The following DGKB variants were observed in gnomAD, a reference collection of about 807,000 sequenced individuals.
DGKB encodes the protein diacylglycerol kinase beta, also known as 90 kDa diacylglycerol kinase.
In DGKB, 67 loss-of-function variants were observed where a neutral mutation model predicts 114.3. That is an observed-to-expected ratio of 0.59 (90% CI 0.48 to 0.72). The LOEUF is 0.72. DGKB is among the 30% of genes least tolerant of loss of function. The pLI is 0.00. For synonymous variants in DGKB, 398 were observed against 323.1 expected, an observed-to-expected ratio of 1.23 and a Z score of -2.49; for missense variants, 907 against 975.2, an observed-to-expected ratio of 0.93 and a Z score of 0.93.
chr7:14,527,622 A>C, intron 20 of DGKB, among the ~76,000 whole-genome samples: 1 of 152,064 alleles, frequency 6.6e-6, no homozygotes, highest in Admixed American at 6.6e-5. Flanking sequence ...GTTCAAAAGA[A>C]GTGTAGGATA....
chr7:14,437,909 A>G (rs1829517297), intron 21 of DGKB, among the ~76,000 whole-genome samples: 1 of 151,708 alleles, frequency 6.6e-6, no homozygotes, highest in Non-Finnish European at 1.5e-5. Flanking sequence ...AAGAAATAGA[A>G]GCTCAGAGTT....
intron 23 of DGKB, among the ~76,000 whole-genome samples, chr7:14,262,336 T>A (rs1159415709): frequency 6.6e-6 from 1 of 152,158 alleles, no homozygotes; most frequent in Non-Finnish European, 1.5e-5. Context: ...GGTAATTAGG[T>A]CATGAGGGTA....
intron 23 of DGKB, among the ~76,000 whole-genome samples, chr7:14,196,413 A>T (rs1017783360): frequency 6.6e-6 from 1 of 152,094 alleles, no homozygotes. Context: ...AAGTTAGTAC[A>T]GTTTAGTATA....
At chr7:14,481,949 C>A (rs530701500) in intron 20 of DGKB, among the ~76,000 whole-genome samples, 78 of 152,038 alleles carry the variant, frequency 5.1e-4, no homozygotes, top group African/African-American at 1.7e-3. Flanking sequence ...TACACAATAA[C>A]AACAATCTTT....
chr7:14,386,247 CATG>C (rs1820319803), intron 21 of DGKB, among the ~76,000 whole-genome samples: 1 of 152,198 alleles, frequency 6.6e-6, no homozygotes, highest in Non-Finnish European at 1.5e-5. Flanking sequence ...AGTTCAGCTC[CATG>C]ATAACAGCTG....
In DGKB at chr7:14,942,873, T is replaced by A. The variant is rs75539773; in HGVS notation, c.-188+31823A>T. 7.2e-5 allele frequency among the ~76,000 whole-genome samples: 11 copies of A among 152,162 alleles called. No individual in the cohort carries two copies. The East Asian group carries it at 2.1e-3, about 29-fold the overall frequency. On this transcript the variant is annotated intron_variant, in intron 1 of 4. Transcript: ENST00000437998. The stretch of plus-strand genomic sequence containing the variant: ...ATCTTCATATCATGAATTATTTTAT[T>A]TTCATAGCACTTACTTAATTTGTCT...
At chr7:14,662,475 G>T (rs948098947) in intron 13 of DGKB, among the ~76,000 whole-genome samples, 2 of 151,898 alleles carry the variant, frequency 1.3e-5, no homozygotes, top group African/African-American at 4.8e-5. Flanking sequence ...TGGGGAAAAT[G>T]ATCCTTTGCA....
intron 23 of DGKB, among the ~76,000 whole-genome samples, chr7:14,192,506 G>T (rs184272466): frequency 2.6e-5 from 4 of 152,164 alleles, no homozygotes; most frequent in East Asian, 3.9e-4. Flanking sequence ...TGAATTGGAA[G>T]AATTTTTTTT....
At chr7:14,822,440 G>C (rs1436747206) in intron 2 of DGKB, among the ~76,000 whole-genome samples, 1 of 152,126 alleles carries the variant, frequency 6.6e-6, no homozygotes, top group Non-Finnish European at 1.5e-5. Context: ...GGATCTAGAA[G>C]CGAGACAGTT....
At chr7:14,505,008 G>A (rs1325913623) in intron 20 of DGKB, among the ~76,000 whole-genome samples, 1 of 152,178 alleles carries the variant, frequency 6.6e-6, no homozygotes. Context: ...CAGAAGTGAA[G>A]AATAAGCCTT....
intron 1 of DGKB, among the ~76,000 whole-genome samples, chr7:14,865,686 G>C (rs1851603572): frequency 6.6e-6 from 1 of 152,140 alleles, no homozygotes; most frequent in South Asian, 2.1e-4. Flanking sequence ...GTGAGAATGA[G>C]TAAATGCCAG....
At chr7:14,495,853 G>A (rs544686037) in intron 20 of DGKB, among the ~76,000 whole-genome samples, 3 of 151,756 alleles carry the variant, frequency 2.0e-5, no homozygotes, top group African/African-American at 7.2e-5. Flanking sequence ...TGTGAGTTGC[G>A]TATTATTGAC....
At chr7:14,813,593 C>G (rs1843710667) in intron 2 of DGKB, among the ~76,000 whole-genome samples, 2 of 152,192 alleles carry the variant, frequency 1.3e-5, no homozygotes, top group South Asian at 2.1e-4. Flanking sequence ...CTGTATATAG[C>G]TGTATGTTAT....
intron 1 of DGKB, among the ~76,000 whole-genome samples, chr7:14,927,515 T>C (rs1784805628): frequency 6.6e-6 from 1 of 151,916 alleles, no homozygotes; most frequent in African/African-American, 2.4e-5. Context: ...AATTGAAACA[T>C]TTTAAAACTA....
intron 17 of DGKB, among the ~76,000 whole-genome samples, chr7:14,603,649 T>G (rs1803969777): frequency 6.6e-6 from 1 of 152,148 alleles, no homozygotes; most frequent in Admixed American, 6.6e-5. Context: ...GACTGTTGCA[T>G]TATATTTTTA....
chr7:14,590,019 G>T (rs1563609148), intron 17 of DGKB, among the ~76,000 whole-genome samples: 1 of 142,436 alleles, frequency 7.0e-6, no homozygotes, highest in Non-Finnish European at 1.5e-5. Context: ...GTCGGGTCGG[G>T]GGAGGGGGGA....
intron 25 of DGKB, chr7:14,176,297 AT>A (rs200463609): frequency 1.3e-4 from 119 of 947,838 alleles, no homozygotes; most frequent in South Asian, 3.4e-4. Flanking sequence ...ATGAAAACTG[AT>A]TTTTTTTTGA....
chr7:14,831,266 T>C (rs1027943892), intron 2 of DGKB, among the ~76,000 whole-genome samples: 2 of 152,006 alleles, frequency 1.3e-5, no homozygotes, highest in Admixed American at 6.6e-5. Flanking sequence ...GTATTTTGAT[T>C]ACCTTCTGGA....
intron 1 of DGKB, among the ~76,000 whole-genome samples, chr7:14,927,576 G>A (rs1784810109): frequency 6.6e-6 from 1 of 151,784 alleles, no homozygotes; most frequent in African/African-American, 2.4e-5. Flanking sequence ...AAACACAGAA[G>A]TCATGGTCAA....
Sources: gnomAD v4.1 joint callset for allele counts (sites outside exome capture counted in the v4.1 genomes callset) on GRCh38, gnomAD v4.1.1 for gene constraint, MANE v1.5 for transcripts, NCBI Gene and HGNC (gene_info 2026-07-23, HGNC 2026-07-21) for gene names.